The following SCAMP1 variants were observed in gnomAD, a reference collection of about 807,000 sequenced individuals.
The protein encoded by SCAMP1 is secretory carrier-associated membrane protein 1.
Under a neutral mutation model 41.8 loss-of-function variants are expected in SCAMP1, and 15 were observed. That is an observed-to-expected ratio of 0.36 (90% confidence interval 0.24 to 0.55). SCAMP1 has a LOEUF of 0.55. Ranked by LOEUF, SCAMP1 falls within the 20% of genes least tolerant of loss-of-function variation. The pLI, the probability that SCAMP1 is intolerant of heterozygous loss-of-function variation, is 0.86. For synonymous variants in SCAMP1, 135 were observed against 136.8 expected, an observed-to-expected ratio of 0.99 and a Z score of 0.09; for missense variants, 341 against 412.6, an observed-to-expected ratio of 0.83 and a Z score of 1.50.
intron 8 of SCAMP1, among the ~76,000 whole-genome samples, chr5:78,460,112 C>T (rs754402020): frequency 2.0e-5 from 3 of 152,154 alleles, no homozygotes; most frequent in African/African-American, 4.8e-5. Flanking sequence ...TGTAGTATTT[C>T]GTGATGTATA....
chr5:78,370,502 G>A (rs1750915599), intron 1 of SCAMP1: 1 of 152,220 alleles, frequency 6.6e-6, no homozygotes, highest in African/African-American at 2.4e-5. Context: ...TATACCCAGA[G>A]AGCAATCCAG....
chr5:78,449,590 C>G (rs542916005), intron 6 of SCAMP1, among the ~76,000 whole-genome samples: 1 of 152,162 alleles, frequency 6.6e-6, no homozygotes, highest in Admixed American at 6.5e-5. Flanking sequence ...TAAATATTTG[C>G]AATTCATTGT....
chr5:78,474,520 C>A (rs1388520476), intron 8 of SCAMP1, among the ~76,000 whole-genome samples: 3 of 152,170 alleles, frequency 2.0e-5, no homozygotes, highest in Non-Finnish European at 4.4e-5. Flanking sequence ...TTCCCAAATG[C>A]AAGCTTGCTT....
At chr5:78,450,620 T>G (rs2112209848) in intron 7 of SCAMP1, among the ~76,000 whole-genome samples, 1 of 152,324 alleles carries the variant, frequency 6.6e-6, no homozygotes, top group South Asian at 2.1e-4. Flanking sequence ...CTCTTTACAT[T>G]CTGATGCAAA....
chr5:78,427,330 G>A (rs1171040058), intron 6 of SCAMP1, among the ~76,000 whole-genome samples: 2 of 152,044 alleles, frequency 1.3e-5, no homozygotes, highest in Non-Finnish European at 2.9e-5. Flanking sequence ...TACTGCACCA[G>A]GCCATTCATG....
rs1300113687 is a variant in SCAMP1 at position 78,453,012 on chromosome 5, G to A, written c.734+2978G>A. Among the ~76,000 whole-genome samples, 191 of 147,066 alleles carry A rather than the reference G, an allele frequency of 1.3e-3. 7 individuals carry two copies. The East Asian group carries it at 0.033, about 26-fold the overall frequency. Reference sequence around the variant, plus strand: ...TGAGAAGTGTCTGTTCATGTCCTTCGCCCACTTTTTGATGGGGTTGTTTGT... The same window carrying A: ...TGAGAAGTGTCTGTTCATGTCCTTCACCCACTTTTTGATGGGGTTGTTTGT... On this transcript the variant is annotated intron_variant, in intron 7 of 8. Transcript: ENST00000621999.
Position 78,476,009 on chromosome 5 carries a change from T to TC in SCAMP1, c.*342dup, listed in dbSNP as rs1753995530. On this transcript the variant is annotated 3_prime_UTR_variant, in exon 9 of 9. Transcript: ENST00000621999. ...CGCATTTAATACTAACTGCAGTAGT[T>TC]CTTTCAAGAATCTTTAGAGATAAGG... is the stretch of plus-strand genomic sequence containing the variant. 6.4e-6 allele frequency: 1 copy of TC among 155,560 alleles called. No individual in the cohort carries two copies. Among genetic ancestry groups the TC allele is most frequent in the African/African-American group, 2.4e-5 (1 of 41,676 alleles). 9.6% of individuals were successfully genotyped at this position (155,560 alleles called of 1,614,324 possible).
intron 6 of SCAMP1, among the ~76,000 whole-genome samples, chr5:78,435,539 C>T (rs931574209): frequency 6.6e-5 from 10 of 152,124 alleles, no homozygotes; most frequent in East Asian, 1.9e-4. Flanking sequence ...TCCATGTCCC[C>T]GCAAAGGACA....
intron 2 of SCAMP1, among the ~76,000 whole-genome samples, chr5:78,391,679 G>C (rs889776712): frequency 6.6e-6 from 1 of 152,128 alleles, no homozygotes; most frequent in African/African-American, 2.4e-5. Flanking sequence ...AGGTTGTAGC[G>C]AGCCGAGATC....
rs201968146 is a variant in SCAMP1 at position 78,421,865 on chromosome 5, A to G, written c.537A>G (p.Ala179=). 1.2e-6 allele frequency: 2 copies of G among 1,613,828 alleles called. No individual in the cohort carries two copies. Among genetic ancestry groups the G allele is most frequent in the Admixed American group, 1.7e-5 (1 of 60,030 alleles). ...TGGCTTGGTTTTGTGTTGATTCTGC[A>G]AGAGCGGTTGATTTTGGATTGAGTA... is the stretch of plus-strand genomic sequence containing the variant. ...GCLAWFCVDS[A]RAVDFGLSIL... is the part of the protein sequence containing the mutation. The change falls in exon 6 of 9, where the codon GCA becomes GCG. Residue 179 remains alanine, a synonymous_variant. Coordinates refer to ENST00000621999, the MANE Select transcript of SCAMP1 (RefSeq NM_004866.6).
intron 4 of SCAMP1, among the ~76,000 whole-genome samples, 161 bp from the exon 5 acceptor site, chr5:78,418,614 A>G (rs1218445625): frequency 6.6e-6 from 1 of 152,166 alleles, no homozygotes. Flanking sequence ...TTAAAAATCT[A>G]AAGCTTGTCT....
intron 8 of SCAMP1, among the ~76,000 whole-genome samples, chr5:78,465,415 G>A (rs2011698): frequency 0.28 from 42,744 of 152,094 alleles, 6,320 homozygotes; most frequent in East Asian, 0.54. Flanking sequence ...TCCAAGCTGC[G>A]TGAGAGTGGA....
intron 6 of SCAMP1, among the ~76,000 whole-genome samples, chr5:78,445,230 T>C (rs1753025181): frequency 6.6e-6 from 1 of 152,258 alleles, no homozygotes; most frequent in Non-Finnish European, 1.5e-5. Flanking sequence ...AGAACTTTTC[T>C]ATTAAAATTG....
rs1470260206 is a variant in SCAMP1, at chr5:78,480,574, G to A, written c.*4906G>A. On this transcript the variant is annotated 3_prime_UTR_variant, in exon 9 of 9. Transcript: ENST00000621999. ...GTGTCTTTTATCTGGTGATCACTGT[G>A]GTATCTACAGTATTCTAGTCTCCTG... Among the ~76,000 whole-genome samples, 1 of 152,096 alleles carries A rather than the reference G, an allele frequency of 6.6e-6. No individual in the cohort carries two copies. The highest frequency in any genetic ancestry group is 1.5e-5 in the Non-Finnish European group (1 of 68,028).
chr5:78,420,718 AAAAAC>A (rs1279122151), intron 5 of SCAMP1, among the ~76,000 whole-genome samples: 1 of 152,152 alleles, frequency 6.6e-6, no homozygotes. Context: ...AAAAAAAACA[AAAAAC>A]AAAACTCTAG....
intron 1 of SCAMP1, among the ~76,000 whole-genome samples, chr5:78,378,369 C>G (rs138594864): frequency 2.8e-4 from 43 of 152,270 alleles, no homozygotes; most frequent in Admixed American, 3.3e-4. Flanking sequence ...CTCCTTATTT[C>G]CAGCAGGTGA....
intron 6 of SCAMP1, among the ~76,000 whole-genome samples, chr5:78,434,096 C>G (rs1284044197): frequency 1.3e-5 from 2 of 152,156 alleles, no homozygotes; most frequent in African/African-American, 2.4e-5. Context: ...AGACCTGTAC[C>G]CTGAATGAGG....
At chr5:78,468,049 G>A (rs1338720190) in intron 8 of SCAMP1, among the ~76,000 whole-genome samples, 1 of 152,096 alleles carries the variant, frequency 6.6e-6, no homozygotes, top group Non-Finnish European at 1.5e-5. Flanking sequence ...TAAGGTAAAT[G>A]TGCTCTGTCC....
intron 1 of SCAMP1, 72 bp downstream of exon 1, chr5:78,360,800 C>A: frequency 1.4e-6 from 2 of 1,430,466 alleles, no homozygotes; most frequent in Non-Finnish European, 9.6e-7. Flanking sequence ...AGTTCCTTCG[C>A]GCCCACTGCG....
Sources: allele counts gnomAD v4.1 joint callset (sites outside exome capture counted in the v4.1 genomes callset), GRCh38; gene constraint gnomAD v4.1.1; transcripts MANE v1.5; gene names NCBI Gene and HGNC (gene_info 2026-07-23, HGNC 2026-07-21).